Variants in CNTRL observed in about 807,000 individuals in gnomAD.
CNTRL encodes centriolin.
CNTRL carries 233 observed loss-of-function variants against 303.7 expected under a neutral mutation model. The ratio of observed to expected loss-of-function variants is 0.77; its 90% confidence interval spans 0.69 to 0.86. CNTRL has a LOEUF of 0.86. Ranked by LOEUF, CNTRL falls within the 40% of genes least tolerant of loss-of-function variation. The pLI is 0.00. For missense variants in CNTRL, 2,524 were observed against 2,650.6 expected (o/e 0.95, Z 1.05); for synonymous variants, 900 against 922.2 (o/e 0.98, Z 0.44).
Position 121,112,223 on chromosome 9 carries a change from G to A in CNTRL, c.1003-236G>A, listed in dbSNP as rs570214384. Reference sequence around the variant, plus strand: ...TTTTAAAATCATTATTCATTATATCGTGAAGCAGCAGATAAACTTCAAAGG... The same window carrying A: ...TTTTAAAATCATTATTCATTATATCATGAAGCAGCAGATAAACTTCAAAGG... On this transcript the variant is annotated intron_variant, in intron 8 of 43. Coordinates refer to ENST00000373855, the MANE Select transcript of CNTRL (RefSeq NM_007018.6). 1.2e-4 allele frequency among the ~76,000 whole-genome samples: 19 copies of A among 152,126 alleles called. No homozygotes were observed. In the South Asian group the frequency reaches 1.9e-3, roughly 15 times the overall value.
chr9:121,168,168 G>C lies in CNTRL; in HGVS notation c.5917G>C (p.Glu1973Gln). 1.2e-6 allele frequency: 2 copies of C among 1,614,086 alleles called. No individual in the cohort carries two copies. Among genetic ancestry groups the C allele is most frequent in the Non-Finnish European group, 1.7e-6 (2 of 1,180,026 alleles). The change falls in exon 38 of 44, where the codon GAG becomes CAG. Residue 1973 changes from glutamate to glutamine, a missense_variant. By Grantham distance (29) the Glu-to-Gln change is conservative. Coordinates refer to ENST00000373855, the MANE Select transcript of CNTRL (RefSeq NM_007018.6). ...KLETSKVTLK[E>Q]QQHQLEKELT... Reference sequence around the variant, plus strand: ...AGAAACCAGTAAAGTGACACTGAAGGAGCAACAGCACCAGCTGGAAAAGGA... The same window carrying C: ...AGAAACCAGTAAAGTGACACTGAAGCAGCAACAGCACCAGCTGGAAAAGGA...
At chr9:121,154,681 C>T (rs751978207) in intron 26 of CNTRL, 40 bp from the exon 27 acceptor site, 25 of 1,252,694 alleles carry the variant, frequency 2.0e-5, no homozygotes, top group Non-Finnish European at 2.8e-5. Flanking sequence ...GTATTGTCTA[C>T]ATTTAACATT....
rs1295037518 is a variant in CNTRL, at chr9:121,168,241, T to G, written c.5990T>G (p.Leu1997Arg). Residue 1997 changes from leucine (L) to arginine (R), a missense_variant, in exon 38 of 44, where the codon CTG (leucine) becomes CGG (arginine). By Grantham distance (102) the Leu-to-Arg change is moderately radical. Transcript: ENST00000373855. ...CTGGACCAAGTGCTCTCAAAGGTGC[T>G]GGCAGCTGAAGAGCGTGTTAGGACT... ...SKLDQVLSKV[L>R]AAEERVRTLQ... is the part of the protein sequence containing the mutation. The G allele has an allele frequency of 6.2e-7, 1 of 1,614,134 alleles. No individual in the cohort carries two copies. Among genetic ancestry groups the G allele is most frequent in the Admixed American group, 1.7e-5 (1 of 60,010 alleles).
At position 121,173,341 on chromosome 9, in the gene CNTRL, G is replaced by A; in HGVS notation, c.6516G>A (p.Leu2172=). The A allele has an allele frequency of 6.2e-7, 1 of 1,614,128 alleles. No individual in the cohort carries two copies. The highest frequency in any genetic ancestry group is 1.1e-5 in the South Asian group (1 of 91,084). Residue 2172 remains leucine (L), a synonymous_variant, in exon 41 of 44, where the codon TTG becomes TTA. Coordinates refer to ENST00000373855, the MANE Select transcript of CNTRL (RefSeq NM_007018.6). ...TGAAGGATGAAATCAGAACCAGCTT[G>A]AAGAATCTTAATCAGTTTCTTCCAG... ...SEVKDEIRTS[L]KNLNQFLPEL... is the part of the protein sequence containing the mutation.
At position 121,113,671 on chromosome 9, in the gene CNTRL, G is replaced by A. The variant is rs142008519; in HGVS notation, c.1292G>A (p.Gly431Asp). Reference protein sequence around the residue: ...QLRNDHMNLRGHTPLDTQLED... With the variant: ...QLRNDHMNLRDHTPLDTQLED... ...AGAAATGATCACATGAACTTGAGAGGCCACACACCACTGGACACGCAACTG... is the reference window on the plus strand; with the variant it reads ...AGAAATGATCACATGAACTTGAGAGACCACACACCACTGGACACGCAACTG... The change falls in exon 10 of 44, where the codon GGC (glycine) becomes GAC (aspartate). Residue 431 changes from glycine to aspartate, a missense_variant. Physicochemically the swap from Gly to Asp is moderately conservative, Grantham distance 94 (BLOSUM62 -1). Transcript: ENST00000373855. 371 of 1,598,238 alleles carry A rather than the reference G, an allele frequency of 2.3e-4. No homozygotes were observed. The highest frequency in any genetic ancestry group is 3.1e-4 in the Non-Finnish European group (365 of 1,174,544).
chr9:121,177,417 A>G lies in CNTRL; in HGVS notation c.*231A>G. On this transcript the variant is annotated 3_prime_UTR_variant, in exon 44 of 44. Transcript: ENST00000373855. ...GGGAATTTAAACCAACATGTGGCTG[A>G]GCCTTTTTTTTTTTAATCTTCGTAA... 2.4e-6 allele frequency: 1 copy of G among 410,758 alleles called. No homozygotes were observed. The highest frequency in any genetic ancestry group is 4.3e-6 in the Non-Finnish European group (1 of 234,364). The allele number at this position is 410,758 out of a possible 1,614,324, so 25.4% of individuals were successfully genotyped here. A position where few individuals can be genotyped will look rare whatever the true frequency, so the allele number is the denominator to read the frequency against.
intron 7 of CNTRL, among the ~76,000 whole-genome samples, chr9:121,099,103 G>A (rs1021780020): frequency 6.6e-6 from 1 of 152,210 alleles, no homozygotes; most frequent in Non-Finnish European, 1.5e-5. Context: ...TCTGAGAATG[G>A]ACAGACTGCC....
intron 15 of CNTRL, 30 bp downstream of exon 15, chr9:121,136,012 C>G: frequency 6.5e-7 from 1 of 1,544,352 alleles, no homozygotes; most frequent in Non-Finnish European, 8.8e-7. Flanking sequence ...CAACTGCAAA[C>G]TAAGGACCCT....
In CNTRL at chr9:121,176,618, G is replaced by A. The variant is rs369257862; in HGVS notation, c.6955-545G>A. Among the ~76,000 whole-genome samples, 77 of 152,324 alleles carry A rather than the reference G, an allele frequency of 5.1e-4. No homozygotes were observed. The South Asian group carries it at 0.014, about 27-fold the overall frequency. ...CAGCTTCAATTACCAGCTCAAGGTG[G>A]CAGCCAGAGTTATTTAGTTGCTTTA... On this transcript the variant is annotated intron_variant, in intron 43 of 43. Transcript: ENST00000373855.
chr9:121,164,981 A>G lies in CNTRL; in HGVS notation c.5462A>G (p.Gln1821Arg). ...GCAGAAGAAAATAGCAAAATGGAGC[A>G]ATCAAACTTAGAAAAGTTGGAATTG... ...AAAEENSKME[Q>R]SNLEKLELNV... Residue 1821 changes from glutamine to arginine, a missense_variant, in exon 35 of 44, where the codon CAA becomes CGA. Coordinates refer to ENST00000373855, the MANE Select transcript of CNTRL (RefSeq NM_007018.6). The G allele has an allele frequency of 6.2e-7, 1 of 1,613,070 alleles. No individual in the cohort carries two copies. The highest frequency in any genetic ancestry group is 8.5e-7 in the Non-Finnish European group (1 of 1,179,738).
At chr9:121,124,199 G>C (rs2050383777) in intron 13 of CNTRL, 115 bp downstream of exon 13, 2 of 831,178 alleles carry the variant, frequency 2.4e-6, no homozygotes, top group Middle Eastern at 3.7e-4. Flanking sequence ...ATTAGTACTA[G>C]TATTTGATAG....
intron 20 of CNTRL, 69 bp from the exon 21 acceptor site, chr9:121,144,774 C>G: frequency 8.2e-7 from 1 of 1,214,554 alleles, no homozygotes; most frequent in Non-Finnish European, 1.2e-6. Context: ...AGAATCAATC[C>G]AAGAGGAAGA....
chr9:121,075,399 G>C (rs537494177), intron 1 of CNTRL, among the ~76,000 whole-genome samples: 2 of 152,346 alleles, frequency 1.3e-5, no homozygotes, highest in Non-Finnish European at 2.9e-5. Flanking sequence ...GCTGAGGGGA[G>C]AGCTGGGATG....
At chr9:121,122,784 T>C (rs1418351032) in intron 12 of CNTRL, among the ~76,000 whole-genome samples, 1 of 152,198 alleles carries the variant, frequency 6.6e-6, no homozygotes, top group Non-Finnish European at 1.5e-5. Context: ...ATACAATCCA[T>C]TCTTTTCAGT....
chr9:121,128,300 G>A (rs1428418708), intron 14 of CNTRL, among the ~76,000 whole-genome samples: 1 of 152,152 alleles, frequency 6.6e-6, no homozygotes, highest in Non-Finnish European at 1.5e-5. Context: ...ATCCTCTCCA[G>A]CATCTGTTGT....
In CNTRL at chr9:121,107,866, C is replaced by T. The variant is rs750627071; in HGVS notation, c.873C>T (p.Ser291=). The T allele has an allele frequency of 1.2e-6, 2 of 1,607,706 alleles. No individual in the cohort carries two copies. Among genetic ancestry groups the T allele is most frequent in the Non-Finnish European group, 1.7e-6 (2 of 1,177,540 alleles). The change falls in exon 8 of 44, where the codon AGC becomes AGT. Residue 291 remains serine (S), a synonymous_variant. Transcript: ENST00000373855. The part of the protein sequence containing the change: ...KKMIETEELK[S]KQTRFLEEIK... ...TGATAGAAACTGAAGAGCTTAAGAG[C>T]AAACAAACAAGGTTCCTTGAGGAAA... is the stretch of plus-strand genomic sequence containing the variant.
chr9:121,085,387 CT>C (rs1204837611), intron 2 of CNTRL, among the ~76,000 whole-genome samples: 1 of 152,078 alleles, frequency 6.6e-6, no homozygotes, highest in Non-Finnish European at 1.5e-5. Flanking sequence ...GATTTATGTA[CT>C]TTATGTATGA....
At chr9:121,142,042 A>G (rs749882185) in intron 18 of CNTRL, 49 bp from the exon 19 acceptor site, 7 of 1,455,762 alleles carry the variant, frequency 4.8e-6, no homozygotes, top group Non-Finnish European at 6.4e-6. Flanking sequence ...TATTTTGCTT[A>G]AAACATATTT....
intron 3 of CNTRL, 43 bp from the exon 4 acceptor site, chr9:121,090,232 A>G (rs373337558): frequency 8.6e-6 from 13 of 1,503,116 alleles, no homozygotes; most frequent in African/African-American, 1.4e-5. Context: ...TGTGATATTC[A>G]TGTCTTTCCT....
Sources: gnomAD v4.1 joint callset for allele counts (sites outside exome capture counted in the v4.1 genomes callset) on GRCh38, gnomAD v4.1.1 for gene constraint, MANE v1.5 for transcripts, NCBI Gene and HGNC (gene_info 2026-07-23, HGNC 2026-07-21) for gene names.